FOCAD: variants seen among roughly 807,000 people sequenced by gnomAD.
FOCAD encodes the protein focadhesin.
FOCAD carries 198 observed loss-of-function variants against 225.6 expected under a neutral mutation model. The observed-to-expected ratio is 0.88, with a 90% CI of 0.78 to 0.99. The LOEUF (loss-of-function observed/expected upper bound fraction) is 0.99, where lower values mean the gene tolerates loss of function less well. Among genes scored for constraint, FOCAD ranks in the 50% least tolerant of loss-of-function variants. The pLI, the probability that FOCAD is intolerant of heterozygous loss-of-function variation, is 0.00. For synonymous variants in FOCAD, 897 were observed against 755.0 expected (o/e 1.19, Z -3.08); for missense variants, 2,713 against 2,123.6 (o/e 1.28, Z -5.46).
At chr9:20,674,066 A>G (rs1034369556) in intron 2 of FOCAD, among the ~76,000 whole-genome samples, 1 of 152,222 alleles carries the variant, frequency 6.6e-6, no homozygotes, top group South Asian at 2.1e-4. Flanking sequence ...GGTATGTTGC[A>G]GTCAGTTTGT....
chr9:20,945,031 G>A (rs1837045662), intron 29 of FOCAD, among the ~76,000 whole-genome samples: 1 of 152,174 alleles, frequency 6.6e-6, no homozygotes, highest in Non-Finnish European at 1.5e-5. Context: ...TCACTAGAAG[G>A]CACTTTCTAA....
At chr9:20,742,500 C>A (rs1341115529) in intron 5 of FOCAD, among the ~76,000 whole-genome samples, 1 of 152,226 alleles carries the variant, frequency 6.6e-6, no homozygotes, top group Non-Finnish European at 1.5e-5. Flanking sequence ...ATCGGCATAC[C>A]TGTGAACCTG....
Position 20,659,183 on chromosome 9 carries a change from G to A in FOCAD, c.-78+357G>A, listed in dbSNP as rs901511185. 7.9e-5 allele frequency among the ~76,000 whole-genome samples: 12 copies of A among 152,190 alleles called. No homozygotes were observed. The South Asian group carries it at 1.5e-3, about 18-fold the overall frequency. ...TTCAGTGAGCCAAGATGGCACCACTGCCCTCCAGCCTAGGGAACAGAGTGA... is the reference window on the plus strand; with the variant it reads ...TTCAGTGAGCCAAGATGGCACCACTACCCTCCAGCCTAGGGAACAGAGTGA... On this transcript the variant is annotated intron_variant, in intron 2 of 45. Coordinates refer to the FOCAD transcript ENST00000380249.
At position 20,686,477 on chromosome 9, in the gene FOCAD, A is replaced by T. The variant is rs1313331958; in HGVS notation, c.-33+2184A>T. Among the ~76,000 whole-genome samples the T allele has an allele frequency of 2.0e-5, 3 of 152,222 alleles. No individual in the cohort carries two copies. The East Asian group carries it at 5.8e-4, about 29-fold the overall frequency. ...GCAAGGTTAATGGGGAAAATTCAAG[A>T]GCTGAGGACATTAACCTTCTAGCGG... On this transcript the variant is annotated intron_variant, in intron 1 of 43. Coordinates refer to ENST00000338382, the MANE Select transcript of FOCAD (RefSeq NM_001375567.1).
chr9:20,721,913 T>C (rs1211660235), intron 4 of FOCAD, among the ~76,000 whole-genome samples: 1 of 38,978 alleles, frequency 2.6e-5, no homozygotes, highest in Admixed American at 3.8e-4. Context: ...CCTTTCCTTT[T>C]CCTTCCCCTT....
At chr9:20,939,548 C>A (rs1291546458) in intron 28 of FOCAD, among the ~76,000 whole-genome samples, 1 of 152,124 alleles carries the variant, frequency 6.6e-6, no homozygotes, top group Non-Finnish European at 1.5e-5. Flanking sequence ...CGGGGAGTAC[C>A]ATGGGGATGA....
rs75298810 is a variant in FOCAD at position 20,776,485 on chromosome 9, C to A, written c.907-2196C>A. On this transcript the variant is annotated intron_variant, in intron 8 of 43. Transcript: ENST00000338382. ...AATCAATCAATCAAAAAACTTGTAA[C>A]CACTAGACTTGTAAGCAGTTTAAGA... Among the ~76,000 whole-genome samples, 811 of 152,328 alleles carry A rather than the reference C, an allele frequency of 5.3e-3. 4 individuals carry two copies. The highest frequency in any genetic ancestry group is 9.0e-3 in the Non-Finnish European group (615 of 68,034).
intron 10 of FOCAD, among the ~76,000 whole-genome samples, chr9:20,783,826 G>C (rs990903833): frequency 6.6e-6 from 1 of 152,158 alleles, no homozygotes; most frequent in Admixed American, 6.5e-5. Flanking sequence ...GGGGATAAAA[G>C]AGAGAATGCA....
intron 39 of FOCAD, among the ~76,000 whole-genome samples, chr9:20,983,328 C>G (rs906393802): frequency 6.6e-6 from 1 of 152,122 alleles, no homozygotes; most frequent in Non-Finnish European, 1.5e-5. Flanking sequence ...AATCCCAGCA[C>G]TTTGGGAGGC....
chr9:20,941,862 G>C (rs989616904), intron 28 of FOCAD, among the ~76,000 whole-genome samples: 1 of 152,172 alleles, frequency 6.6e-6, no homozygotes, highest in Non-Finnish European at 1.5e-5. Flanking sequence ...AGCTATTCTT[G>C]GTTCAAAGCT....
At chr9:20,816,226 T>C (rs62560482) in intron 11 of FOCAD, among the ~76,000 whole-genome samples, 31,633 of 152,120 alleles carry the variant, frequency 0.21, 3,677 homozygotes, top group South Asian at 0.35. Flanking sequence ...CACAACTAAA[T>C]ACACTAGTTT....
intron 2 of FOCAD, chr9:20,716,099 T>C (rs758303306): frequency 2.1e-6 from 1 of 469,602 alleles, no homozygotes; most frequent in Non-Finnish European, 4.6e-6. Flanking sequence ...ATGTCTGCTG[T>C]GGGAATTGAC....
intron 11 of FOCAD, among the ~76,000 whole-genome samples, chr9:20,811,517 C>T (rs1823074914): frequency 6.6e-6 from 1 of 151,992 alleles, no homozygotes; most frequent in Non-Finnish European, 1.5e-5. Flanking sequence ...ACATTTCTTT[C>T]CTTGACCTTA....
chr9:20,941,525 T>A (rs1399206651), intron 28 of FOCAD, among the ~76,000 whole-genome samples: 2 of 152,324 alleles, frequency 1.3e-5, no homozygotes, highest in East Asian at 3.9e-4. Context: ...TGATTAATTT[T>A]AAAAAATATA....
intron 2 of FOCAD, among the ~76,000 whole-genome samples, chr9:20,678,643 A>G (rs532340170): frequency 7.8e-4 from 119 of 152,310 alleles, no homozygotes; most frequent in Non-Finnish European, 1.4e-3. Flanking sequence ...TCAGGAGATC[A>G]AGAGAGAGGA....
intron 10 of FOCAD, among the ~76,000 whole-genome samples, chr9:20,785,736 G>A (rs1819852495): frequency 6.6e-6 from 1 of 152,094 alleles, no homozygotes; most frequent in Non-Finnish European, 1.5e-5. Context: ...GTTTTTGTGT[G>A]GACAAATGTT....
chr9:20,968,455 T>TTTGG (rs398010456), intron 35 of FOCAD, among the ~76,000 whole-genome samples: 1 of 139,990 alleles, frequency 7.1e-6, no homozygotes, highest in Non-Finnish European at 1.5e-5. Flanking sequence ...TTTTTTTTTT[T>TTTGG]GGGAGAGTTA....
rs1825692622 is a variant in FOCAD at position 20,720,540 on chromosome 9, T to C, written c.287+6T>C. On this transcript the variant is annotated splice_donor_region_variant and intron_variant, in intron 4 of 43. Coordinates refer to ENST00000338382, the MANE Select transcript of FOCAD (RefSeq NM_001375567.1). ...AACTTGATTCCATCAACCAGGTACT[T>C]TTTCCTCAGTGTTTGGTCAGTTAAT... is the stretch of plus-strand genomic sequence containing the variant. 6.2e-7 allele frequency: 1 copy of C among 1,613,264 alleles called. No individual in the cohort carries two copies. Among genetic ancestry groups the C allele is most frequent in the Non-Finnish European group, 8.5e-7 (1 of 1,179,664 alleles).
chr9:20,781,615 C>T (rs1587138994), intron 9 of FOCAD, 112 bp from the exon 10 acceptor site: 1 of 804,308 alleles, frequency 1.2e-6, no homozygotes, highest in Non-Finnish European at 2.1e-6. Flanking sequence ...TGTGTCTGAC[C>T]CAGTTATAAA....
Sources: allele counts gnomAD v4.1 joint callset (sites outside exome capture counted in the v4.1 genomes callset), GRCh38; gene constraint gnomAD v4.1.1; transcripts MANE v1.5; gene names NCBI Gene and HGNC (gene_info 2026-07-23, HGNC 2026-07-21).